The following DNAH17 variants were observed in gnomAD, a reference collection of about 807,000 sequenced individuals.
The protein encoded by DNAH17 is dynein axonemal heavy chain 17.
DNAH17 carries 376 observed loss-of-function variants against 485.6 expected under a neutral mutation model. The observed-to-expected ratio is 0.77, with a 90% CI of 0.71 to 0.84. DNAH17 has a LOEUF of 0.84. DNAH17 is among the 40% of genes least tolerant of loss of function. The pLI is 0.00. For missense variants in DNAH17, 6,370 were observed against 5,839.3 expected (o/e 1.09, Z -2.96); for synonymous variants, 3,031 against 2,405.9 (o/e 1.26, Z -7.60).
intron 25 of DNAH17, among the ~76,000 whole-genome samples, chr17:78,521,796 G>A (rs2090941173): frequency 6.6e-6 from 1 of 152,254 alleles, no homozygotes; most frequent in South Asian, 2.1e-4. Context: ...AGACCAGCCT[G>A]GTCAACATGA....
At chr17:78,497,887 A>T (rs2090130303) in intron 37 of DNAH17, among the ~76,000 whole-genome samples, 1 of 152,172 alleles carries the variant, frequency 6.6e-6, no homozygotes, top group African/African-American at 2.4e-5. Flanking sequence ...TCACGCCTGT[A>T]ATCCCAGCAG....
chr17:78,558,455 A>C (rs1369885363), intron 13 of DNAH17, among the ~76,000 whole-genome samples: 1 of 112,340 alleles, frequency 8.9e-6, no homozygotes, highest in Non-Finnish European at 1.9e-5. Context: ...CACTGACATC[A>C]CCCTCATGGG....
At chr17:78,533,875 G>A (rs955218064) in intron 19 of DNAH17, among the ~76,000 whole-genome samples, 1 of 151,954 alleles carries the variant, frequency 6.6e-6, no homozygotes. Flanking sequence ...TATTAGAGGC[G>A]GGGTTTCACC....
intron 3 of DNAH17, 45 bp from the exon 4 acceptor site, chr17:78,571,827 C>A: frequency 2.0e-6 from 3 of 1,524,558 alleles, no homozygotes; most frequent in Non-Finnish European, 2.7e-6. Flanking sequence ...GCGACACACA[C>A]GTGGGTCCCA....
At position 78,524,990 on chromosome 17, in the gene DNAH17, C is replaced by T. The variant is rs775365076; in HGVS notation, c.3864+19G>A. On this transcript the variant is annotated intron_variant, in intron 25 of 80. Transcript: ENST00000389840. ...TGCAGAATCCCGGGCCCCACCCACGCGGCGTGCCCTGCACTCACCACAACA... is the reference window on the plus strand; with the variant it reads ...TGCAGAATCCCGGGCCCCACCCACGTGGCGTGCCCTGCACTCACCACAACA... 31 of 1,591,066 alleles carry T rather than the reference C, an allele frequency of 1.9e-5. No homozygotes were observed. Among genetic ancestry groups the T allele is most frequent in the East Asian group, 6.8e-5 (3 of 44,314 alleles).
Position 78,529,074 on chromosome 17 carries a change from G to A in DNAH17, c.3507+398C>T, listed in dbSNP as rs1175340479. On this transcript the variant is annotated intron_variant, in intron 22 of 80. Coordinates refer to ENST00000389840, the MANE Select transcript of DNAH17 (RefSeq NM_173628.4). Reference sequence around the variant, plus strand: ...TTCTCCTGCCTCAGCCTCCTGAGTAGCTGAGACTACACTAGCCAGCCACAG... The same window carrying A: ...TTCTCCTGCCTCAGCCTCCTGAGTAACTGAGACTACACTAGCCAGCCACAG... 2.0e-5 allele frequency among the ~76,000 whole-genome samples: 3 copies of A among 151,664 alleles called. No homozygotes were observed. In the East Asian group the frequency reaches 5.8e-4, roughly 29 times the overall value.
At position 78,437,669 on chromosome 17, in the gene DNAH17, A is replaced by AGGTCC. The variant is rs2086894403; in HGVS notation, c.12004_12005insGGACC (p.Leu4002TrpfsTer165). The AGGTCC allele has an allele frequency of 6.2e-7, 1 of 1,610,720 alleles. No homozygotes were observed. On this transcript the variant is annotated frameshift_variant, in exon 74 of 81. Coordinates refer to ENST00000389840, the MANE Select transcript of DNAH17 (RefSeq NM_173628.4). LOFTEE classifies it high-confidence loss of function. ...GGTGAACAGGTCCAGGGCCTTGTGC[A>AGGTCC]AGTTGGCGTGCATGCCCGTGGGGGG...
chr17:78,571,880 A>T, intron 3 of DNAH17, 98 bp from the exon 4 acceptor site: 1 of 1,192,700 alleles, frequency 8.4e-7, no homozygotes. Context: ...ATCCCAAACC[A>T]CCAGCAGCAG....
intron 48 of DNAH17, among the ~76,000 whole-genome samples, chr17:78,483,077 C>T (rs115714772): frequency 6.6e-6 from 1 of 152,110 alleles, no homozygotes; most frequent in Non-Finnish European, 1.5e-5. Context: ...CATGCATGCA[C>T]CTGTCCTCCT....
rs376692157 is a variant in DNAH17 at position 78,530,531 on chromosome 17, G to A, written c.3115-19C>T. 3.6e-5 allele frequency: 57 copies of A among 1,592,514 alleles called. No individual in the cohort carries two copies. The highest frequency in any genetic ancestry group is 2.4e-4 in the African/African-American group (18 of 74,612). On this transcript the variant is annotated intron_variant, in intron 20 of 80. Coordinates refer to ENST00000389840, the MANE Select transcript of DNAH17 (RefSeq NM_173628.4). Reference sequence around the variant, plus strand: ...AGTCGATCTGGAAAACACGGCCACCGGCGGCCTGTCATAGCCTGCAAGCCT... The same window carrying A: ...AGTCGATCTGGAAAACACGGCCACCAGCGGCCTGTCATAGCCTGCAAGCCT...
chr17:78,457,527 A>T (rs1244776039), intron 62 of DNAH17, among the ~76,000 whole-genome samples: 2 of 152,182 alleles, frequency 1.3e-5, no homozygotes, highest in Admixed American at 1.3e-4. Flanking sequence ...AAATAAAATT[A>T]TAACTGTTTC....
intron 71 of DNAH17, among the ~76,000 whole-genome samples, chr17:78,442,439 G>T (rs1408457443): frequency 3.3e-5 from 5 of 152,188 alleles, no homozygotes; most frequent in African/African-American, 9.7e-5. Flanking sequence ...CCTCCTGAAG[G>T]CCCCCAATTC....
chr17:78,436,920 G>T (rs568017521), intron 74 of DNAH17, among the ~76,000 whole-genome samples: 1 of 152,246 alleles, frequency 6.6e-6, no homozygotes, highest in East Asian at 1.9e-4. Flanking sequence ...TGCATCTGGG[G>T]GAAGCCTTGA....
chr17:78,460,244 T>C lies in DNAH17; in HGVS notation c.9353A>G (p.Lys3118Arg). The change falls in exon 59 of 81, where the codon AAG becomes AGG. Residue 3118 changes from lysine to arginine, a missense_variant. Transcript: ENST00000389840. ...CAGGTCTGTTTCACAGGCCTTTTGC[T>C]TCTCAGTGACGTTCTGGAAGGAAGA... ...VEVINKNVTE[K>R]QKACETDLAK... 1 of 1,601,936 alleles carries C rather than the reference T, an allele frequency of 6.2e-7. No individual in the cohort carries two copies. Among genetic ancestry groups the C allele is most frequent in the Non-Finnish European group, 8.5e-7 (1 of 1,173,480 alleles).
intron 16 of DNAH17, among the ~76,000 whole-genome samples, chr17:78,547,745 G>A (rs1206717478): frequency 6.6e-6 from 1 of 151,732 alleles, no homozygotes; most frequent in Non-Finnish European, 1.5e-5. Context: ...AGCCTCTCTA[G>A]TAGCTGGGAT....
intron 51 of DNAH17, among the ~76,000 whole-genome samples, chr17:78,478,298 CCAT>C (rs898393027): frequency 2.7e-5 from 4 of 148,662 alleles, no homozygotes; most frequent in Non-Finnish European, 4.5e-5. Flanking sequence ...ATCTCCACCA[CCAT>C]CACCACAATC....
In DNAH17 at chr17:78,437,801, C is replaced by A. The variant is rs1396016092; in HGVS notation, c.11873G>T (p.Ser3958Ile). 6.2e-7 allele frequency: 1 copy of A among 1,612,550 alleles called. No homozygotes were observed. Among genetic ancestry groups the A allele is most frequent in the Non-Finnish European group, 8.5e-7 (1 of 1,179,758 alleles). The change falls in exon 74 of 81, where the codon AGC (serine) becomes ATC (isoleucine). Residue 3958 changes from serine to isoleucine, a missense_variant. Ser to Ile is a moderately radical substitution (Grantham distance 142). Transcript: ENST00000389840. ...GATGAACACCCGGTAGTCCTCATGG[C>A]TGCCCGTGCTGTAGTGCTCCAGCTT... ...DKKLEHYSTG[S>I]HEDYRVFISA... is the part of the protein sequence containing the mutation.
At chr17:78,500,561 T>C in intron 35 of DNAH17, 100 bp from the exon 36 acceptor site, 1 of 1,242,636 alleles carries the variant, frequency 8.0e-7, no homozygotes, top group Non-Finnish European at 1.1e-6. Context: ...CAGGCTGGAG[T>C]GCAGTGGTAC....
chr17:78,425,298 T>C (rs1221010728), intron 80 of DNAH17, 48 bp downstream of exon 80: 1 of 1,566,936 alleles, frequency 6.4e-7, no homozygotes, highest in Non-Finnish European at 8.7e-7. Flanking sequence ...TCTTGGCAAG[T>C]AGCACTGGCT....
Sources: allele counts gnomAD v4.1 joint callset (sites outside exome capture counted in the v4.1 genomes callset), GRCh38; gene constraint gnomAD v4.1.1; transcripts MANE v1.5; gene names NCBI Gene and HGNC (gene_info 2026-07-23, HGNC 2026-07-21).